Variants in NLGN4Y observed in about 807,000 individuals in gnomAD.
The protein encoded by NLGN4Y is neuroligin 4 Y-linked, also known as neuroligin-4, Y-linked.
Under a neutral mutation model 8.4 loss-of-function variants are expected in NLGN4Y, and 4 were observed. That is an observed-to-expected ratio of 0.48 (90% CI 0.23 to 1.09). NLGN4Y has a LOEUF of 1.09. Among genes scored for constraint, NLGN4Y ranks in the 50% least tolerant of loss-of-function variants. The pLI, the probability that NLGN4Y is intolerant of heterozygous loss-of-function variation, is 0.19. For missense variants in NLGN4Y, 90 were observed against 192.3 expected (o/e 0.47, Z 3.15); for synonymous variants, 35 against 75.6 (o/e 0.46, Z 2.78).
chrY:14,787,491 G>A, intron 4 of NLGN4Y, among the ~76,000 whole-genome samples: 1 of 33,625 alleles, frequency 3.0e-5, no homozygotes, highest in Non-Finnish European at 7.3e-5. Context: ...GCTCCCAGTA[G>A]AGGGGCTGCA....
At chrY:14,702,291 T>A in intron 2 of NLGN4Y, among the ~76,000 whole-genome samples, 2 of 32,265 alleles carry the variant, frequency 6.2e-5, no homozygotes, top group Admixed American at 5.8e-4. Flanking sequence ...TAGGTATATC[T>A]CCTAATGCTA....
chrY:14,702,871 G>C, intron 2 of NLGN4Y, among the ~76,000 whole-genome samples: 2 of 33,194 alleles, frequency 6.0e-5, no homozygotes, highest in Non-Finnish European at 1.5e-4. Context: ...GTGTGAGATG[G>C]TATCTCATTG....
At chrY:14,637,860 T>TG (rs2080571926) in intron 2 of NLGN4Y, among the ~76,000 whole-genome samples, 28 of 26,549 alleles carry the variant, frequency 1.1e-3, no homozygotes, top group African/African-American at 1.7e-3. Flanking sequence ...TTTTTTTTTT[T>TG]TGTGTGTGTG....
intron 2 of NLGN4Y, among the ~76,000 whole-genome samples, chrY:14,710,969 G>T (rs2150549970): frequency 3.0e-5 from 1 of 33,782 alleles, no homozygotes; most frequent in Non-Finnish European, 7.3e-5. Flanking sequence ...CTATGTATCA[G>T]TTAGCTACTG....
At chrY:14,808,081 G>T in intron 4 of NLGN4Y, among the ~76,000 whole-genome samples, 1 of 32,722 alleles carries the variant, frequency 3.1e-5, no homozygotes, top group Non-Finnish European at 7.5e-5. Context: ...CACTCAGGCT[G>T]GAATGCAATG....
At chrY:14,546,735 G>A (rs1039812044) in intron 1 of NLGN4Y, among the ~76,000 whole-genome samples, 1 of 33,257 alleles carries the variant, frequency 3.0e-5, no homozygotes, top group Non-Finnish European at 7.4e-5. Context: ...GGAACAATTT[G>A]ACTTCCTCTT....
At chrY:14,624,028 G>T (rs2080519975) in intron 2 of NLGN4Y, among the ~76,000 whole-genome samples, 1 of 33,268 alleles carries the variant, frequency 3.0e-5, no homozygotes, top group Non-Finnish European at 7.4e-5. Context: ...TCCCCTTTGT[G>T]CATGTGTGTG....
At chrY:14,534,768 CGTGTGTGTGTGTGT>C (rs112527610) in intron 1 of NLGN4Y, among the ~76,000 whole-genome samples, 2 of 20,146 alleles carry the variant, frequency 9.9e-5, no homozygotes, top group African/African-American at 2.1e-4. Flanking sequence ...TTTTATCTCT[CGTGTGTGTGTGTGT>C]GTGTGTGTGT....
chrY:14,668,050 G>A, intron 2 of NLGN4Y, among the ~76,000 whole-genome samples: 2 of 33,330 alleles, frequency 6.0e-5, no homozygotes, highest in South Asian at 1.4e-3. Context: ...ATGGCAGAAT[G>A]AGATGGACAC....
chrY:14,799,203 A>T (rs867602816), intron 4 of NLGN4Y, among the ~76,000 whole-genome samples: 1 of 33,560 alleles, frequency 3.0e-5, no homozygotes, highest in Non-Finnish European at 7.4e-5. Context: ...GATGGAAGGG[A>T]GATTAGATAA....
upstream of NLGN4Y, chrY:14,524,500 G>A: frequency 8.7e-6 from 1 of 115,485 alleles, no homozygotes; most frequent in Non-Finnish European, 1.9e-5. Flanking sequence ...TCCCCTAGGC[G>A]GAACTGAAAG....
chrY:14,525,104 C>T, intron 1 of NLGN4Y, among the ~76,000 whole-genome samples: 1 of 33,549 alleles, frequency 3.0e-5, no homozygotes, highest in African/African-American at 1.2e-4. Flanking sequence ...GGAGCGGGAG[C>T]GGGGGCGTCA....
At chrY:14,816,617 T>C in intron 4 of NLGN4Y, among the ~76,000 whole-genome samples, 1 of 34,307 alleles carries the variant, frequency 2.9e-5, no homozygotes, top group Non-Finnish European at 7.3e-5. Context: ...TTCTGCTAAC[T>C]GGGTGCTGAT....
At chrY:14,558,103 C>T in intron 1 of NLGN4Y, among the ~76,000 whole-genome samples, 1 of 33,329 alleles carries the variant, frequency 3.0e-5, no homozygotes, top group African/African-American at 1.2e-4. Context: ...CTCCACCCAA[C>T]ATTTCTGACA....
At chrY:14,592,150 C>G in intron 1 of NLGN4Y, among the ~76,000 whole-genome samples, 1 of 32,120 alleles carries the variant, frequency 3.1e-5, no homozygotes, top group African/African-American at 1.2e-4. Flanking sequence ...TCCAAGGAAG[C>G]AGGAGGGATA....
intron 2 of NLGN4Y, among the ~76,000 whole-genome samples, chrY:14,677,653 G>T (rs2080753974): frequency 3.0e-5 from 1 of 32,928 alleles, no homozygotes; most frequent in African/African-American, 1.2e-4. Context: ...AATATTTTTA[G>T]GTATACATAT....
chrY:14,813,912 G>A, intron 4 of NLGN4Y, among the ~76,000 whole-genome samples: 2 of 33,081 alleles, frequency 6.0e-5, no homozygotes, highest in African/African-American at 2.4e-4. Context: ...AAACTTAAAA[G>A]CCAAAATTTC....
intron 4 of NLGN4Y, among the ~76,000 whole-genome samples, chrY:14,756,866 C>CAT (rs145217639): frequency 4.6e-4 from 1 of 2,174 alleles, no homozygotes; most frequent in African/African-American, 2.4e-3. Context: ...ATATTTTATA[C>CAT]ATATATATAT....
chrY:14,748,472 A>T, intron 4 of NLGN4Y: 1 of 123,634 alleles, frequency 8.1e-6, no homozygotes. Flanking sequence ...CATCATTCTC[A>T]CATGTTCACT....
Sources: allele counts gnomAD v4.1 joint callset (sites outside exome capture counted in the v4.1 genomes callset), GRCh38; gene constraint gnomAD v4.1.1; transcripts MANE v1.5; gene names NCBI Gene and HGNC (gene_info 2026-07-23, HGNC 2026-07-21).